JAKMIP1: variants seen among roughly 807,000 people sequenced by gnomAD.
The protein encoded by JAKMIP1 is janus kinase and microtubule interacting protein 1.
In JAKMIP1, 33 loss-of-function variants were observed where a neutral mutation model predicts 113.0. The ratio of observed to expected loss-of-function variants is 0.29; its 90% CI spans 0.22 to 0.39. The LOEUF (loss-of-function observed/expected upper bound fraction) is 0.39. Ranked by LOEUF, JAKMIP1 falls within the 10% of genes least tolerant of loss-of-function variation. The probability of loss-of-function intolerance (pLI) is 1.00; values close to 1 mark genes in which losing one functional copy is unlikely to be tolerated. For missense variants in JAKMIP1, 813 were observed against 1,080.5 expected, an observed-to-expected ratio of 0.75 and a Z score of 3.47; for synonymous variants, 480 against 459.9, an observed-to-expected ratio of 1.04 and a Z score of -0.56.
Position 6,157,201 on chromosome 4 carries a change from G to T in JAKMIP1, c.-148+43052C>A, listed in dbSNP as rs538721753. ...AGGTCCCTCCACCATGGACTTCCCAGCCTCCAGAACTGTAAGAAACGCATT... is the reference window on the plus strand; with the variant it reads ...AGGTCCCTCCACCATGGACTTCCCATCCTCCAGAACTGTAAGAAACGCATT... On this transcript the variant is annotated intron_variant, in intron 1 of 20. Transcript: ENST00000409021. This position sits in a 1 kb window ranked among gnomAD's most constrained non-coding sequence, Gnocchi z 4.7. Among the ~76,000 whole-genome samples, 3 of 152,274 alleles carry T rather than the reference G, an allele frequency of 2.0e-5. No individual in the cohort carries two copies. Among genetic ancestry groups the T allele is most frequent in the Admixed American group, 6.5e-5 (1 of 15,296 alleles).
In JAKMIP1 at chr4:6,165,577, A is replaced by C. The variant is rs113507816; in HGVS notation, c.-148+34676T>G. 4.2e-3 allele frequency among the ~76,000 whole-genome samples: 643 copies of C among 152,386 alleles called. 4 individuals are homozygous for C. Among genetic ancestry groups the C allele is most frequent in the African/African-American group, 0.014 (595 of 41,590 alleles). ...CAGCCTCCCAAAGTGCTGGGATTAC[A>C]GGCATGAGCCATCGCGCCCAGCCCT... On this transcript the variant is annotated intron_variant, in intron 1 of 20. Transcript: ENST00000409021.
intron 8 of JAKMIP1, among the ~76,000 whole-genome samples, chr4:6,075,226 A>AT (rs578193040): frequency 0.021 from 3,217 of 150,702 alleles, 42 homozygotes; most frequent in Middle Eastern, 0.062. Context: ...GCAACCATCC[A>AT]TTTTTTTTTT....
At chr4:6,026,866 AT>A (rs370379960) in intron 20 of JAKMIP1, among the ~76,000 whole-genome samples, 497 of 140,686 alleles carry the variant, frequency 3.5e-3, no homozygotes, top group Middle Eastern at 0.011. Flanking sequence ...ATTTCTTTGC[AT>A]TTTTTTTTTT....
chr4:6,147,373 C>T (rs1047964817), intron 1 of JAKMIP1, among the ~76,000 whole-genome samples: 2 of 152,158 alleles, frequency 1.3e-5, no homozygotes, highest in Non-Finnish European at 2.9e-5. Flanking sequence ...ACTGGCTGTC[C>T]ATGCAGAACA....
rs1722295337 is a variant in JAKMIP1, at chr4:6,093,016, C to T, written c.625-7387G>A. Among the ~76,000 whole-genome samples the T allele has an allele frequency of 6.6e-6, 1 of 152,208 alleles. No homozygotes were observed. Among genetic ancestry groups the T allele is most frequent in the African/African-American group, 2.4e-5 (1 of 41,458 alleles). On this transcript the variant is annotated intron_variant, in intron 3 of 20. Transcript: ENST00000409021. This position sits in a 1 kb window ranked among gnomAD's most constrained non-coding sequence, Gnocchi z 4.6. ...TATTTTACTGGGAATCCAAGTATCA[C>T]ATATCATCATGGCTATTTTAGAGAT...
At position 6,157,908 on chromosome 4, in the gene JAKMIP1, G is replaced by A. The variant is rs116269425; in HGVS notation, c.-148+42345C>T. On this transcript the variant is annotated intron_variant, in intron 1 of 20. Transcript: ENST00000409021. This position sits in a 1 kb window ranked among gnomAD's most constrained non-coding sequence, Gnocchi z 4.7. Reference sequence around the variant, plus strand: ...GCTCTGTTAGAACCAAGGGTGTCTTGCTTTGCATCAGCAGCACTAACTCCT... The same window carrying A: ...GCTCTGTTAGAACCAAGGGTGTCTTACTTTGCATCAGCAGCACTAACTCCT... Among the ~76,000 whole-genome samples the A allele has an allele frequency of 1.0e-3, 153 of 152,250 alleles. No individual in the cohort carries two copies. The highest frequency in any genetic ancestry group is 2.2e-3 in the Admixed American group (34 of 15,292).
intron 8 of JAKMIP1, among the ~76,000 whole-genome samples, chr4:6,068,813 G>A (rs775173770): frequency 2.0e-5 from 3 of 152,116 alleles, no homozygotes; most frequent in Non-Finnish European, 2.9e-5. Flanking sequence ...CAAGTGATCC[G>A]TCTACCTCGA....
In JAKMIP1 at chr4:6,064,889, G is replaced by C; in HGVS notation, c.1422C>G (p.Asp474Glu). 6.2e-7 allele frequency: 1 copy of C among 1,614,100 alleles called. No homozygotes were observed. The highest frequency in any genetic ancestry group is 8.5e-7 in the Non-Finnish European group (1 of 1,180,024). Residue 474 changes from aspartate (D) to glutamate (E), a missense_variant, in exon 9 of 21, where the codon GAC becomes GAG. This residue lies in a region of JAKMIP1 where 540 missense variants were observed against 653.9 expected (regional missense o/e 0.83). Transcript: ENST00000409021. The surrounding 1 kb of genome is among the most constrained non-coding windows in gnomAD (Gnocchi z 4.3). ...CTGCAGGTTTGCTTACATCGTCCAA[G>C]TCTTCTTCGGGCGTGGCTGGGGTCC... ...TDRTPATPEE[D>E]LDDATAREEA...
intron 19 of JAKMIP1, among the ~76,000 whole-genome samples, chr4:6,033,491 T>C (rs1160931328): frequency 2.0e-5 from 3 of 152,228 alleles, no homozygotes; most frequent in Admixed American, 6.5e-5. Context: ...TAATATTCAT[T>C]GAGTGCTTAC....
Position 6,178,255 on chromosome 4 carries a change from G to C in JAKMIP1, c.-148+21998C>G, listed in dbSNP as rs1331939861. 6.6e-6 allele frequency among the ~76,000 whole-genome samples: 1 copy of C among 152,210 alleles called. No homozygotes were observed. Among genetic ancestry groups the C allele is most frequent in the African/African-American group, 2.4e-5 (1 of 41,446 alleles). On this transcript the variant is annotated intron_variant, in intron 1 of 20. Coordinates refer to ENST00000409021, the MANE Select transcript of JAKMIP1 (RefSeq NM_001099433.2). The surrounding 1 kb of genome is among the most constrained non-coding windows in gnomAD (Gnocchi z 5.5). ...AGAGACGTGGCTACCTTTCAGGTAAGCAGCTTTTCCTTTGTTACCCTACGA... is the reference window on the plus strand; with the variant it reads ...AGAGACGTGGCTACCTTTCAGGTAACCAGCTTTTCCTTTGTTACCCTACGA...
At chr4:6,032,960 C>T (rs896782449) in intron 19 of JAKMIP1, among the ~76,000 whole-genome samples, 6 of 152,202 alleles carry the variant, frequency 3.9e-5, no homozygotes, top group East Asian at 1.9e-4. Context: ...CAGCAGATGT[C>T]TCTGCAGGCC....
At position 6,090,380 on chromosome 4, in the gene JAKMIP1, T is replaced by C. The variant is rs551154553; in HGVS notation, c.625-4751A>G. ...AAGAGGCCAGAAAACACTTTCACCC[T>C]AGAGCTTTCCAAGGGAGCATGGCCC... On this transcript the variant is annotated intron_variant, in intron 3 of 20. Transcript: ENST00000409021. Among the ~76,000 whole-genome samples the C allele has an allele frequency of 6.6e-5, 10 of 152,280 alleles. No homozygotes were observed. The South Asian group carries it at 2.1e-3, about 32-fold the overall frequency.
rs116519341 is a variant in JAKMIP1 at position 6,094,521 on chromosome 4, G to A, written c.625-8892C>T. On this transcript the variant is annotated intron_variant, in intron 3 of 20. Transcript: ENST00000409021. This position sits in a 1 kb window ranked among gnomAD's most constrained non-coding sequence, Gnocchi z 4.2. ...GGGCCCCTGGGGTCTCAGGAACTGC[G>A]GGCACCCAGCCTAGGCTGGTCCATC... Among the ~76,000 whole-genome samples, 1,375 of 152,266 alleles carry A rather than the reference G, an allele frequency of 9.0e-3. 18 individuals carry two copies. Among genetic ancestry groups the A allele is most frequent in the African/African-American group, 0.031 (1,286 of 41,558 alleles).
intron 1 of JAKMIP1, among the ~76,000 whole-genome samples, chr4:6,195,514 A>G (rs568534650): frequency 4.5e-4 from 69 of 152,360 alleles, no homozygotes; most frequent in African/African-American, 1.6e-3. Flanking sequence ...TTGAAAATAG[A>G]TATCACACAC....
At chr4:6,037,663 T>A (rs546839938) in intron 18 of JAKMIP1, among the ~76,000 whole-genome samples, 4 of 136,034 alleles carry the variant, frequency 2.9e-5, no homozygotes, top group South Asian at 5.4e-4. Flanking sequence ...TAGCCCTCCA[T>A]CACCGAGGCA....
chr4:6,100,373 T>C (rs1308256869), intron 3 of JAKMIP1, among the ~76,000 whole-genome samples: 1 of 152,238 alleles, frequency 6.6e-6, no homozygotes, highest in African/African-American at 2.4e-5. Flanking sequence ...TAGCATAATG[T>C]TTCTGAGGTT....
intron 2 of JAKMIP1, among the ~76,000 whole-genome samples, chr4:6,111,254 C>T (rs778950821): frequency 2.0e-5 from 3 of 152,200 alleles, no homozygotes; most frequent in African/African-American, 7.2e-5. Context: ...AGCCTCCACC[C>T]GTCACTCCAG....
At chr4:6,196,665 C>A (rs935679312) in intron 1 of JAKMIP1, among the ~76,000 whole-genome samples, 3 of 152,114 alleles carry the variant, frequency 2.0e-5, no homozygotes, top group Non-Finnish European at 1.5e-5. Context: ...TTGAGACCAG[C>A]CTGGTTAACA....
At chr4:6,148,335 G>C (rs1017036053) in intron 1 of JAKMIP1, among the ~76,000 whole-genome samples, 1 of 152,202 alleles carries the variant, frequency 6.6e-6, no homozygotes, top group Non-Finnish European at 1.5e-5. Context: ...CTCATGCCCA[G>C]AACATTTTCC....
Sources: gnomAD v4.1 joint callset for allele counts (sites outside exome capture counted in the v4.1 genomes callset) on GRCh38, gnomAD v4.1.1 for gene constraint, gnomAD v4.1.1 regional missense constraint, Gnocchi (gnomAD v3.1) non-coding constraint, MANE v1.5 for transcripts, NCBI Gene and HGNC (gene_info 2026-07-23, HGNC 2026-07-21) for gene names.